Variants in GDNF observed in about 807,000 individuals in gnomAD.
GDNF encodes the protein glial cell line-derived neurotrophic factor.
A neutral mutation model predicts 13.7 loss-of-function variants in GDNF; 5 were observed. That is an observed-to-expected ratio of 0.36 (90% confidence interval 0.19 to 0.77). The LOEUF (loss-of-function observed/expected upper bound fraction) is 0.77, where lower values mean the gene tolerates loss of function less well. GDNF is among the 30% of genes least tolerant of loss of function. The pLI is 0.51. For synonymous variants in GDNF, 122 were observed against 112.5 expected (o/e 1.08, Z -0.53); for missense variants, 246 against 274.3 (o/e 0.90, Z 0.73).
intron 1 of GDNF, chr5:37,835,030 TC>T (rs144626956): frequency 0.045 from 26,836 of 589,952 alleles, 782 homozygotes; most frequent in Admixed American, 0.067. Flanking sequence ...CAGCTCGCAC[TC>T]CTGGTTCAGG....
intron 1 of GDNF, chr5:37,835,492 G>C: frequency 2.0e-6 from 3 of 1,495,578 alleles, no homozygotes; most frequent in Non-Finnish European, 2.7e-6. Context: ...GGCCTGTATG[G>C]GATATCTGGT....
chr5:37,839,466 C>G lies in GDNF; in HGVS notation c.-27+41G>C, dbSNP rs557649270. On this transcript the variant is annotated intron_variant, in intron 1 of 2. Coordinates refer to ENST00000326524, the MANE Select transcript of GDNF (RefSeq NM_000514.4). This position sits in a 1 kb window ranked among gnomAD's most constrained non-coding sequence, Gnocchi z 5.5. ...CGGCCGCACCCACCCGCGACGCAGG[C>G]ACCACCCGCTCCCTGCTCCCCGGCC... The G allele has an allele frequency of 6.5e-6, 1 of 153,304 alleles. No individual in the cohort carries two copies. The highest frequency in any genetic ancestry group is 2.1e-4 in the South Asian group (1 of 4,842). The allele number at this position is 153,304 out of a possible 1,614,324, so 9.5% of individuals were successfully genotyped here.
intron 2 of GDNF, among the ~76,000 whole-genome samples, chr5:37,825,475 T>C (rs868213858): frequency 3.9e-5 from 6 of 152,142 alleles, no homozygotes; most frequent in African/African-American, 1.4e-4. Context: ...CTAAAAGCAC[T>C]CCAGAGTCGG....
intron 2 of GDNF, among the ~76,000 whole-genome samples, chr5:37,827,921 A>G (rs1180847205): frequency 6.6e-6 from 1 of 152,234 alleles, no homozygotes; most frequent in Non-Finnish European, 1.5e-5. Flanking sequence ...AAAGTAGGTA[A>G]TCGTTTTTCA....
Position 37,815,741 on chromosome 5 carries a change from G to T in GDNF, c.546C>A (p.Ile182=). Residue 182 remains isoleucine, a synonymous_variant, in exon 3 of 3, where the codon ATC becomes ATA. Coordinates refer to ENST00000326524, the MANE Select transcript of GDNF (RefSeq NM_000514.4). This position sits in a 1 kb window ranked among gnomAD's most constrained non-coding sequence, Gnocchi z 5.0. ...DKVGQACCRP[I]AFDDDLSFLD... ...AAAACGACAGGTCATCATCAAAGGC[G>T]ATGGGTCTGCAACATGCCTGCCCTA... is the stretch of plus-strand genomic sequence containing the variant. The T allele has an allele frequency of 1.2e-6, 2 of 1,613,728 alleles. No homozygotes were observed. Among genetic ancestry groups the T allele is most frequent in the Admixed American group, 1.7e-5 (1 of 60,020 alleles).
At position 37,838,665 on chromosome 5, in the gene GDNF, AG is replaced by A. The variant is rs763797827; in HGVS notation, c.-27+841del. On this transcript the variant is annotated intron_variant, in intron 1 of 2. Transcript: ENST00000326524. The surrounding 1 kb of genome is among the most constrained non-coding windows in gnomAD (Gnocchi z 4.1). ...GCGAAAGTCCGTTTCCAGCCCGAAG[AG>A]GGTTCGTTTTTCTTCGTTGGGGCAG... Among the ~76,000 whole-genome samples the A allele has an allele frequency of 6.6e-6, 1 of 152,156 alleles. No individual in the cohort carries two copies. The highest frequency in any genetic ancestry group is 1.9e-4 in the East Asian group (1 of 5,176).
chr5:37,832,307 C>T (rs1017320990), intron 2 of GDNF, among the ~76,000 whole-genome samples: 4 of 152,200 alleles, frequency 2.6e-5, no homozygotes, highest in Non-Finnish European at 4.4e-5. Context: ...GCACCATGTA[C>T]AGTGCAGGAT....
chr5:37,832,787 C>T (rs1750567978), intron 2 of GDNF, among the ~76,000 whole-genome samples: 1 of 152,196 alleles, frequency 6.6e-6, no homozygotes. Flanking sequence ...CTGGGGAACA[C>T]CTAAAAACTC....
Position 37,837,994 on chromosome 5 carries a change from GTTTT to G in GDNF, c.-27+1509_-27+1512del, listed in dbSNP as rs75624956. On this transcript the variant is annotated intron_variant, in intron 1 of 2. Coordinates refer to ENST00000326524, the MANE Select transcript of GDNF (RefSeq NM_000514.4). This position sits in a 1 kb window ranked among gnomAD's most constrained non-coding sequence, Gnocchi z 6.5. ...GGGAGACGGGTTTGCTATAAACTCG[GTTTT>G]TTTTTTTTTTTTTTTGGCGGGGGGA... 0.024 allele frequency among the ~76,000 whole-genome samples: 2,969 copies of G among 125,450 alleles called. 100 individuals are homozygous for G. The highest frequency in any genetic ancestry group is 0.083 in the African/African-American group (2,796 of 33,578). The allele number at this position is 125,450 out of a possible 152,430, so 82.3% of individuals were successfully genotyped here. A position where few individuals can be genotyped will look rare whatever the true frequency, so the allele number is the denominator to read the frequency against.
At chr5:37,824,994 C>A (rs1750258455) in intron 2 of GDNF, among the ~76,000 whole-genome samples, 1 of 152,100 alleles carries the variant, frequency 6.6e-6, no homozygotes, top group Non-Finnish European at 1.5e-5. Context: ...TCTCTCAAGG[C>A]AGAAGAAAAA....
intron 2 of GDNF, chr5:37,823,252 GT>G (rs1258202759): frequency 1.3e-5 from 2 of 152,170 alleles, no homozygotes; most frequent in African/African-American, 4.8e-5. Flanking sequence ...TTGTCTTTTT[GT>G]TTTAAAGTAA....
At chr5:37,836,494 C>A (rs747684385) in intron 1 of GDNF, among the ~76,000 whole-genome samples, 1 of 152,196 alleles carries the variant, frequency 6.6e-6, no homozygotes, top group Non-Finnish European at 1.5e-5. Flanking sequence ...CTCCTAGTGA[C>A]CTGCAGCACC....
At chr5:37,833,219 C>T (rs1218288590) in intron 2 of GDNF, among the ~76,000 whole-genome samples, 1 of 152,164 alleles carries the variant, frequency 6.6e-6, no homozygotes, top group Non-Finnish European at 1.5e-5. Flanking sequence ...GTTCCTGTCC[C>T]TCTTGTCTAG....
At chr5:37,823,269 C>T (rs1750201907) in intron 2 of GDNF, 1 of 152,192 alleles carries the variant, frequency 6.6e-6, no homozygotes, top group Admixed American at 6.5e-5. Context: ...AGTAAAAACT[C>T]TACTACCACT....
Position 37,815,512 on chromosome 5 carries a change from TC to T in GDNF, c.*138del. 5.2e-6 allele frequency: 4 copies of T among 768,136 alleles called. No individual in the cohort carries two copies. Among genetic ancestry groups the T allele is most frequent in the Non-Finnish European group, 6.7e-6 (3 of 445,880 alleles). 47.6% of individuals were successfully genotyped at this position (768,136 alleles called of 1,614,324 possible). A position where few individuals can be genotyped will look rare whatever the true frequency, so the allele number is the denominator to read the frequency against. On this transcript the variant is annotated 3_prime_UTR_variant, in exon 3 of 3. Transcript: ENST00000326524. The surrounding 1 kb of genome is among the most constrained non-coding windows in gnomAD (Gnocchi z 5.0). Reference sequence around the variant, plus strand: ...TTCCTCCTCCTCCTCCTCCTCCTCCTCCTCCTCCTCTTCTTCTTCCTCCTCC... The same window carrying T: ...TTCCTCCTCCTCCTCCTCCTCCTCCTCTCCTCCTCTTCTTCTTCCTCCTCC...
At chr5:37,825,346 T>G (rs1750272597) in intron 2 of GDNF, among the ~76,000 whole-genome samples, 1 of 152,196 alleles carries the variant, frequency 6.6e-6, no homozygotes, top group African/African-American at 2.4e-5. Context: ...TGCTAATAAT[T>G]TTACAGTAAT....
intron 2 of GDNF, among the ~76,000 whole-genome samples, chr5:37,820,054 T>G (rs1750076623): frequency 6.6e-6 from 1 of 152,082 alleles, no homozygotes; most frequent in South Asian, 2.1e-4. Context: ...GTCTTCAAAT[T>G]AAAAAACAGA....
Position 37,815,474 on chromosome 5 carries a change from C to A in GDNF, c.*177G>T. 1 of 663,226 alleles carries A rather than the reference C, an allele frequency of 1.5e-6. No individual in the cohort carries two copies. Among genetic ancestry groups the A allele is most frequent in the South Asian group, 1.8e-5 (1 of 56,874 alleles). 41.1% of individuals were successfully genotyped at this position (663,226 alleles called of 1,614,324 possible). On this transcript the variant is annotated 3_prime_UTR_variant, in exon 3 of 3. Transcript: ENST00000326524. This position sits in a 1 kb window ranked among gnomAD's most constrained non-coding sequence, Gnocchi z 5.0. ...GCTGGATCTCCCTCTACCAGGCTCC[C>A]ATGATGGCTGCCTTCCTCCTCCTCC...
intron 1 of GDNF, among the ~76,000 whole-genome samples, chr5:37,836,607 G>C (rs2111730600): frequency 6.6e-6 from 1 of 152,314 alleles, no homozygotes; most frequent in East Asian, 1.9e-4. Context: ...CATGCAAAAT[G>C]AGCCCAGAAA....
Sources: allele counts gnomAD v4.1 joint callset (sites outside exome capture counted in the v4.1 genomes callset), GRCh38; gene constraint gnomAD v4.1.1; non-coding constraint Gnocchi (gnomAD v3.1); transcripts MANE v1.5; gene names NCBI Gene and HGNC (gene_info 2026-07-23, HGNC 2026-07-21).